Variants in WDR70 observed in about 807,000 individuals in gnomAD.
WDR70 encodes the protein WD repeat domain 70.
WDR70 carries 53 observed loss-of-function variants against 88.6 expected under a neutral mutation model. That is an observed-to-expected ratio of 0.60 (90% CI 0.48 to 0.75). The LOEUF (loss-of-function observed/expected upper bound fraction) is 0.75. Among genes scored for constraint, WDR70 ranks in the 30% least tolerant of loss-of-function variants. The pLI is 0.00. For missense variants in WDR70, 610 were observed against 823.2 expected, an observed-to-expected ratio of 0.74 and a Z score of 3.17; for synonymous variants, 280 against 270.0, an observed-to-expected ratio of 1.04 and a Z score of -0.36.
At chr5:37,421,993 G>A (rs983333180) in intron 5 of WDR70, among the ~76,000 whole-genome samples, 2 of 151,878 alleles carry the variant, frequency 1.3e-5, no homozygotes, top group African/African-American at 2.4e-5. Flanking sequence ...AAGCCAGGTC[G>A]CTACTTCTTA....
intron 7 of WDR70, among the ~76,000 whole-genome samples, chr5:37,449,963 G>A (rs773188286): frequency 2.6e-5 from 4 of 152,060 alleles, no homozygotes; most frequent in Non-Finnish European, 5.9e-5. Context: ...TGTTCTCATT[G>A]TTCAGCTCCC....
intron 10 of WDR70, among the ~76,000 whole-genome samples, chr5:37,622,000 T>C (rs1299140221): frequency 6.6e-6 from 1 of 152,188 alleles, no homozygotes; most frequent in African/African-American, 2.4e-5. Context: ...TTTCCCCATT[T>C]CTTGTTTTTG....
intron 2 of WDR70, among the ~76,000 whole-genome samples, 199 bp from the exon 3 acceptor site, chr5:37,381,402 CT>C (rs1441593315): frequency 6.6e-6 from 1 of 152,114 alleles, no homozygotes; most frequent in African/African-American, 2.4e-5. Flanking sequence ...GGAAAGTTGC[CT>C]GGTTAATAGT....
rs545742422 is a variant in WDR70 at position 37,609,013 on chromosome 5, T to A, written c.1092+3775T>A. Reference sequence around the variant, plus strand: ...TTTGTTGAATGAATAAATGGATGTGTATGTATTCTAAAATAGTAACATAAA... The same window carrying A: ...TTTGTTGAATGAATAAATGGATGTGAATGTATTCTAAAATAGTAACATAAA... On this transcript the variant is annotated intron_variant, in intron 10 of 17. Coordinates refer to ENST00000265107, the MANE Select transcript of WDR70 (RefSeq NM_018034.4). Among the ~76,000 whole-genome samples the A allele has an allele frequency of 2.0e-5, 3 of 152,358 alleles. No individual in the cohort carries two copies. The East Asian group carries it at 5.8e-4, about 29-fold the overall frequency.
intron 17 of WDR70, among the ~76,000 whole-genome samples, chr5:37,732,215 A>G (rs1413682354): frequency 6.6e-6 from 1 of 152,136 alleles, no homozygotes; most frequent in Non-Finnish European, 1.5e-5. Context: ...TGAGAGAGAG[A>G]GAGATATGTG....
intron 8 of WDR70, among the ~76,000 whole-genome samples, chr5:37,482,682 A>G (rs1472260628): frequency 6.6e-6 from 1 of 152,182 alleles, no homozygotes; most frequent in Non-Finnish European, 1.5e-5. Flanking sequence ...CAAACATGGA[A>G]ATTAATTAAG....
At chr5:37,554,443 A>C (rs972296008) in intron 9 of WDR70, among the ~76,000 whole-genome samples, 6 of 152,072 alleles carry the variant, frequency 3.9e-5, no homozygotes, top group Non-Finnish European at 8.8e-5. Flanking sequence ...TTCACAATGG[A>C]AATAATGTTT....
intron 5 of WDR70, among the ~76,000 whole-genome samples, chr5:37,418,486 A>AT (rs909707871): frequency 2.0e-3 from 307 of 151,974 alleles, no homozygotes; most frequent in African/African-American, 7.1e-3. Context: ...CGCCTGGCTA[A>AT]TTTTTTCTAT....
At chr5:37,427,653 A>G (rs1019395353) in intron 5 of WDR70, among the ~76,000 whole-genome samples, 2 of 152,040 alleles carry the variant, frequency 1.3e-5, no homozygotes, top group Non-Finnish European at 2.9e-5. Flanking sequence ...AGGTGGGTGG[A>G]TCGCTTGAGG....
intron 7 of WDR70, among the ~76,000 whole-genome samples, chr5:37,468,653 A>G (rs1441505144): frequency 6.6e-6 from 1 of 152,174 alleles, no homozygotes; most frequent in Non-Finnish European, 1.5e-5. Flanking sequence ...ATTATTGTTA[A>G]CTATATTCAT....
chr5:37,529,840 T>C (rs1430691818), intron 9 of WDR70, among the ~76,000 whole-genome samples: 1 of 152,112 alleles, frequency 6.6e-6, no homozygotes, highest in African/African-American at 2.4e-5. Flanking sequence ...ATTGCACTGG[T>C]TAGGACTTCC....
At chr5:37,556,139 C>CT (rs200323949) in intron 9 of WDR70, among the ~76,000 whole-genome samples, 4,360 of 143,816 alleles carry the variant, frequency 0.03, 231 homozygotes, top group African/African-American at 0.11. Context: ...TTTTCTTCCT[C>CT]TTTTTTTTTT....
At chr5:37,509,688 C>T (rs991505210) in intron 8 of WDR70, among the ~76,000 whole-genome samples, 2 of 151,966 alleles carry the variant, frequency 1.3e-5, no homozygotes, top group African/African-American at 4.8e-5. Flanking sequence ...CACTGTCGAT[C>T]TTCGCATGAC....
At chr5:37,417,877 G>A (rs1749810787) in intron 5 of WDR70, among the ~76,000 whole-genome samples, 1 of 152,162 alleles carries the variant, frequency 6.6e-6, no homozygotes, top group Admixed American at 6.5e-5. Flanking sequence ...GTATTCAGCA[G>A]TAAACTCTGG....
chr5:37,523,392 A>G (rs1206392320), intron 9 of WDR70, among the ~76,000 whole-genome samples: 2 of 152,222 alleles, frequency 1.3e-5, no homozygotes, highest in Non-Finnish European at 2.9e-5. Flanking sequence ...ACCTCCAGTA[A>G]ACTCCAATAG....
chr5:37,668,461 G>A (rs1745927488), intron 10 of WDR70, among the ~76,000 whole-genome samples: 1 of 152,044 alleles, frequency 6.6e-6, no homozygotes, highest in Non-Finnish European at 1.5e-5. Flanking sequence ...ATGTTTTTTT[G>A]CATTCAGATT....
At chr5:37,701,617 C>T (rs976216123) in intron 12 of WDR70, among the ~76,000 whole-genome samples, 2 of 151,842 alleles carry the variant, frequency 1.3e-5, no homozygotes, top group African/African-American at 2.4e-5. Flanking sequence ...GGTGAAACCC[C>T]GTCTCTACTA....
intron 10 of WDR70, among the ~76,000 whole-genome samples, chr5:37,609,028 A>T (rs1294313459): frequency 6.6e-6 from 1 of 152,254 alleles, no homozygotes; most frequent in Non-Finnish European, 1.5e-5. Context: ...ATTCTAAAAT[A>T]GTAACATAAA....
In WDR70 at chr5:37,721,131, T is replaced by G; in HGVS notation, c.1433T>G (p.Leu478Arg). 6.2e-7 allele frequency: 1 copy of G among 1,613,768 alleles called. No individual in the cohort carries two copies. The change falls in exon 14 of 18, where the codon CTG (leucine) becomes CGG (arginine). Residue 478 changes from leucine (L) to arginine (R), a missense_variant. Transcript: ENST00000265107. ...CCTTTGCAGAGTGTTGTTCGCTGCC[T>G]GTGGCATCCAAAGCTGAACCAGATC... Reference protein sequence around the residue: ...DITDASVVRCLWHPKLNQIMV... With the variant: ...DITDASVVRCRWHPKLNQIMV...
Sources: gnomAD v4.1 joint callset for allele counts (sites outside exome capture counted in the v4.1 genomes callset) on GRCh38, gnomAD v4.1.1 for gene constraint, MANE v1.5 for transcripts, NCBI Gene and HGNC (gene_info 2026-07-23, HGNC 2026-07-21) for gene names.